The following HDAC9 variants were observed in gnomAD, a reference collection of about 807,000 sequenced individuals.
The protein encoded by HDAC9 is histone deacetylase 9, also known as MEF-2 interacting transcription repressor (MITR) protein.
Under a neutral mutation model 139.4 loss-of-function variants are expected in HDAC9, and 41 were observed. The observed-to-expected ratio is 0.29, with a 90% CI of 0.23 to 0.38. HDAC9 has a LOEUF of 0.38. HDAC9 is among the 10% of genes least tolerant of loss of function. The pLI is 1.00. For missense variants in HDAC9, 1,147 were observed against 1,297.0 expected, an observed-to-expected ratio of 0.88 and a Z score of 1.78; for synonymous variants, 517 against 476.2, an observed-to-expected ratio of 1.09 and a Z score of -1.12.
At chr7:18,687,077 C>T (rs1431383031) in intron 12 of HDAC9, among the ~76,000 whole-genome samples, 2 of 151,786 alleles carry the variant, frequency 1.3e-5, no homozygotes, top group Non-Finnish European at 2.9e-5. Flanking sequence ...TGTTTAAAGT[C>T]TGAATTTTCC....
At chr7:18,846,947 G>A (rs896012716) in intron 21 of HDAC9, among the ~76,000 whole-genome samples, 1 of 152,180 alleles carries the variant, frequency 6.6e-6, no homozygotes, top group African/African-American at 2.4e-5. Flanking sequence ...GATTTGAAAA[G>A]TGCGTGTGGA....
intron 2 of HDAC9, among the ~76,000 whole-genome samples, chr7:18,574,674 G>A (rs1239136525): frequency 6.6e-6 from 1 of 152,212 alleles, no homozygotes; most frequent in Non-Finnish European, 1.5e-5. Context: ...TCCCACTCAT[G>A]CTCTTTGGTG....
At position 18,292,614 on chromosome 7, in the gene HDAC9, A is replaced by G. The variant is rs138112343; in HGVS notation, c.-42+2099A>G. 2.4e-3 allele frequency among the ~76,000 whole-genome samples: 364 copies of G among 152,250 alleles called. 2 individuals carry two copies. Among genetic ancestry groups the G allele is most frequent in the African/African-American group, 8.4e-3 (349 of 41,548 alleles). ...ATATTGAACTGACAGGTAAAAAAAA[A>G]GAAATGCTCTTTTAGTAAATTAACC... On this transcript the variant is annotated intron_variant, in intron 1 of 3. Transcript: ENST00000413509.
intron 1 of HDAC9, among the ~76,000 whole-genome samples, chr7:18,374,606 G>C (rs1440148891): frequency 6.6e-6 from 1 of 151,842 alleles, no homozygotes; most frequent in Non-Finnish European, 1.5e-5. Flanking sequence ...ACATCACTAG[G>C]TTATAGGAAT....
intron 1 of HDAC9, among the ~76,000 whole-genome samples, chr7:18,382,466 G>A (rs1559951): frequency 0.94 from 143,921 of 152,332 alleles, 68,425 homozygotes; most frequent in East Asian, 1. Flanking sequence ...GAACAGGGTC[G>A]TTCATTAAGT....
chr7:18,252,096 A>G (rs1019557031), intron 2 of HDAC9, among the ~76,000 whole-genome samples: 5 of 152,240 alleles, frequency 3.3e-5, no homozygotes, highest in African/African-American at 1.2e-4. Flanking sequence ...ATAGAGCAAA[A>G]TAAATTAAGT....
chr7:18,567,562 C>T (rs1822788359), intron 2 of HDAC9, among the ~76,000 whole-genome samples: 1 of 152,120 alleles, frequency 6.6e-6, no homozygotes, highest in African/African-American at 2.4e-5. Context: ...GGAAAATAAG[C>T]AGAAGCCATT....
intron 1 of HDAC9, among the ~76,000 whole-genome samples, chr7:18,399,545 T>C (rs542759710): frequency 1.3e-5 from 2 of 152,158 alleles, no homozygotes; most frequent in Non-Finnish European, 2.9e-5. Flanking sequence ...GGGAATCTCA[T>C]AGTAATAGGC....
At chr7:18,217,925 G>C (rs528007381) in intron 2 of HDAC9, among the ~76,000 whole-genome samples, 3 of 152,280 alleles carry the variant, frequency 2.0e-5, no homozygotes, top group African/African-American at 7.2e-5. Context: ...GTAGTAGTCA[G>C]GCTGTGGGCT....
At chr7:18,434,453 C>T (rs79109269) in intron 1 of HDAC9, among the ~76,000 whole-genome samples, 4,804 of 152,190 alleles carry the variant, frequency 0.032, 89 homozygotes, top group African/African-American at 0.057. Context: ...ACAGTATCGA[C>T]AGAATAAACA....
In HDAC9 at chr7:18,394,356, C is replaced by T. The variant is rs555158305; in HGVS notation, c.-41-101906C>T. On this transcript the variant is annotated intron_variant, in intron 1 of 3. Transcript: ENST00000413509. ...GATTGGAAATATTAAGAGGGAGCATCGTCTAGAATCCTTAGAGATATTGCT... is the reference window on the plus strand; with the variant it reads ...GATTGGAAATATTAAGAGGGAGCATTGTCTAGAATCCTTAGAGATATTGCT... 2.0e-5 allele frequency among the ~76,000 whole-genome samples: 3 copies of T among 152,236 alleles called. No individual in the cohort carries two copies. In the South Asian group the frequency reaches 6.2e-4, roughly 32 times the overall value.
intron 11 of HDAC9, among the ~76,000 whole-genome samples, chr7:18,664,369 TC>T (rs1280674741): frequency 1.3e-5 from 2 of 152,156 alleles, no homozygotes; most frequent in Admixed American, 6.6e-5. Flanking sequence ...CTTAGCTTGA[TC>T]TTGTCTGACT....
intron 2 of HDAC9, among the ~76,000 whole-genome samples, chr7:18,285,193 G>C (rs1047487044): frequency 6.6e-6 from 1 of 151,890 alleles, no homozygotes; most frequent in African/African-American, 2.4e-5. Context: ...TGTATGTTTG[G>C]GTTCTAAGAC....
chr7:18,143,082 C>T (rs1786029180), intron 1 of HDAC9, among the ~76,000 whole-genome samples: 1 of 152,170 alleles, frequency 6.6e-6, no homozygotes, highest in Non-Finnish European at 1.5e-5. Context: ...AAAACTCCAT[C>T]CCCTGCTGCT....
chr7:18,904,027 C>T (rs905809789), intron 22 of HDAC9, among the ~76,000 whole-genome samples: 13 of 152,226 alleles, frequency 8.5e-5, no homozygotes, highest in African/African-American at 1.9e-4. Context: ...TCTGTAGTTT[C>T]GATAGTCATA....
chr7:18,145,022 C>T lies in HDAC9; in HGVS notation c.-96-17207C>T, dbSNP rs562191505. Reference sequence around the variant, plus strand: ...TGGGAACACTCCCTAGCCACAAAGACTTAAGTTTCACTTGCTTTGTGTTTC... The same window carrying T: ...TGGGAACACTCCCTAGCCACAAAGATTTAAGTTTCACTTGCTTTGTGTTTC... On this transcript the variant is annotated intron_variant, in intron 1 of 12. Coordinates refer to the HDAC9 transcript ENST00000417496. Among the ~76,000 whole-genome samples, 7 of 152,330 alleles carry T rather than the reference C, an allele frequency of 4.6e-5. No individual in the cohort carries two copies. The South Asian group carries it at 1.4e-3, about 32-fold the overall frequency.
chr7:18,877,767 G>A (rs1429874446), intron 22 of HDAC9, among the ~76,000 whole-genome samples: 2 of 151,970 alleles, frequency 1.3e-5, no homozygotes, highest in African/African-American at 2.4e-5. Flanking sequence ...CAAATATAGA[G>A]GTGATTTAAA....
intron 1 of HDAC9, among the ~76,000 whole-genome samples, chr7:18,360,735 AT>A (rs1168100794): frequency 2.6e-5 from 4 of 151,902 alleles, no homozygotes; most frequent in Non-Finnish European, 2.9e-5. Flanking sequence ...ATTGCTGACA[AT>A]TTTTTTTATT....
chr7:18,215,981 A>G (rs1418153977), intron 2 of HDAC9, among the ~76,000 whole-genome samples: 2 of 152,142 alleles, frequency 1.3e-5, no homozygotes, highest in South Asian at 2.1e-4. Context: ...TTTCTTCACT[A>G]TGGCTTCTCT....
Sources: gnomAD v4.1 joint callset for allele counts (sites outside exome capture counted in the v4.1 genomes callset) on GRCh38, gnomAD v4.1.1 for gene constraint, MANE v1.5 for transcripts, NCBI Gene and HGNC (gene_info 2026-07-23, HGNC 2026-07-21) for gene names.